ABI1: variants seen among roughly 807,000 people sequenced by gnomAD.
The protein encoded by ABI1 is abl interactor 1, also known as Abelson interactor 1.
Under a neutral mutation model 54.6 loss-of-function variants are expected in ABI1, and 14 were observed. The ratio of observed to expected loss-of-function variants is 0.26; its 90% confidence interval spans 0.17 to 0.40. ABI1 has a LOEUF of 0.40. Ranked by LOEUF, ABI1 falls within the 10% of genes least tolerant of loss-of-function variation. ABI1 has a pLI of 1.00. For missense variants in ABI1, 443 were observed against 598.3 expected, an observed-to-expected ratio of 0.74 and a Z score of 2.71; for synonymous variants, 194 against 209.3, an observed-to-expected ratio of 0.93 and a Z score of 0.63.
chr10:26,836,604 C>A (rs958476033), intron 1 of ABI1, among the ~76,000 whole-genome samples: 2 of 152,184 alleles, frequency 1.3e-5, no homozygotes, highest in African/African-American at 4.8e-5. Flanking sequence ...AAATGATCCA[C>A]AATAGCCGCG....
At chr10:26,824,451 G>T (rs1280787112) in intron 1 of ABI1, among the ~76,000 whole-genome samples, 11 of 152,128 alleles carry the variant, frequency 7.2e-5, no homozygotes, top group Non-Finnish European at 1.5e-4. Flanking sequence ...TATAATAGCA[G>T]AAGACTGGAA....
chr10:26,851,348 A>ATTTTTTTTTTTTTTTTTTTTTTTTTT (rs397724445), intron 1 of ABI1, among the ~76,000 whole-genome samples: 4 of 67,810 alleles, frequency 5.9e-5, no homozygotes, highest in African/African-American at 2.6e-4. Flanking sequence ...GACTAAGCTA[A>ATTTTTTTTTTTTTTTTTTTTTTTTTT]TTTTTTTTTT....
intron 10 of ABI1, 28 bp from the exon 11 acceptor site, chr10:26,748,773 A>C: frequency 6.5e-7 from 1 of 1,529,638 alleles, no homozygotes; most frequent in Non-Finnish European, 9.0e-7. Context: ...GAAATATCAC[A>C]TGAGTGCACT....
intron 5 of ABI1, 38 bp downstream of exon 5, chr10:26,770,207 C>A (rs1377323611): frequency 6.5e-7 from 1 of 1,529,536 alleles, no homozygotes. Flanking sequence ...TTTCCTTTAG[C>A]ATATGAATTC....
intron 1 of ABI1, among the ~76,000 whole-genome samples, chr10:26,854,126 G>A (rs537891512): frequency 2.6e-5 from 4 of 152,270 alleles, no homozygotes; most frequent in South Asian, 2.1e-4. Context: ...GGAGAACGCA[G>A]AAGCACACAA....
chr10:26,776,054 C>T (rs930515447), intron 3 of ABI1, among the ~76,000 whole-genome samples: 2 of 152,154 alleles, frequency 1.3e-5, no homozygotes, highest in Non-Finnish European at 2.9e-5. Context: ...CTTATACAAT[C>T]CTAGCCACAT....
chr10:26,855,607 A>G (rs1048615796), intron 1 of ABI1, among the ~76,000 whole-genome samples: 1 of 152,172 alleles, frequency 6.6e-6, no homozygotes, highest in African/African-American at 2.4e-5. Flanking sequence ...AATAGAGGCA[A>G]TTATATTACC....
At chr10:26,845,146 TAAAA>T (rs57494089) in intron 1 of ABI1, among the ~76,000 whole-genome samples, 19 of 146,182 alleles carry the variant, frequency 1.3e-4, no homozygotes, top group Non-Finnish European at 2.4e-4. Flanking sequence ...CTAAATGCTT[TAAAA>T]AAAAAAAAAG....
Position 26,766,436 on chromosome 10 carries a change from G to C in ABI1, c.720-1118C>G, listed in dbSNP as rs572464018. Among the ~76,000 whole-genome samples the C allele has an allele frequency of 5.9e-5, 9 of 152,218 alleles. No individual in the cohort carries two copies. In the South Asian group the frequency reaches 1.2e-3, roughly 21 times the overall value. Reference sequence around the variant, plus strand: ...TTATGTTTTAAAATCTACATAATTTGCTCAATAAGCCCAGAAATTCAAAGG... The same window carrying C: ...TTATGTTTTAAAATCTACATAATTTCCTCAATAAGCCCAGAAATTCAAAGG... On this transcript the variant is annotated intron_variant, in intron 6 of 10. Coordinates refer to ENST00000376140, the MANE Select transcript of ABI1 (RefSeq NM_001012750.3).
chr10:26,827,203 G>A (rs566038595), intron 1 of ABI1, among the ~76,000 whole-genome samples: 64 of 150,938 alleles, frequency 4.2e-4, no homozygotes, highest in African/African-American at 1.5e-3. Context: ...GTGAGCCACC[G>A]TGCCCGGCCT....
rs1052916200 is a variant in ABI1 at position 26,748,517 on chromosome 10, A to T, written c.*53T>A. Reference sequence around the variant, plus strand: ...TTAAGACAGTTCTGTTAACCATAATAGTCCCACAGTATGACTGAGTAATAA... The same window carrying T: ...TTAAGACAGTTCTGTTAACCATAATTGTCCCACAGTATGACTGAGTAATAA... On this transcript the variant is annotated 3_prime_UTR_variant, in exon 11 of 11. Transcript: ENST00000376140. The T allele has an allele frequency of 1.5e-6, 2 of 1,342,664 alleles. No individual in the cohort carries two copies. The highest frequency in any genetic ancestry group is 2.0e-6 in the Non-Finnish European group (2 of 977,948). The allele number at this position is 1,342,664 out of a possible 1,614,324, so 83.2% of individuals were successfully genotyped here. A position where few individuals can be genotyped will look rare whatever the true frequency, so the allele number is the denominator to read the frequency against.
At chr10:26,778,469 G>A (rs1841704172) in intron 2 of ABI1, among the ~76,000 whole-genome samples, 1 of 149,766 alleles carries the variant, frequency 6.7e-6, no homozygotes, top group African/African-American at 2.5e-5. Flanking sequence ...GGTGAGACGA[G>A]GCCAGGATAT....
At chr10:26,756,587 A>G (rs138397313) in intron 8 of ABI1, among the ~76,000 whole-genome samples, 3 of 152,300 alleles carry the variant, frequency 2.0e-5, no homozygotes, top group Non-Finnish European at 4.4e-5. Context: ...GAGATGACAT[A>G]ATTGACAGGA....
chr10:26,770,141 TAG>T, intron 5 of ABI1, 102 bp downstream of exon 5: 1 of 850,922 alleles, frequency 1.2e-6, no homozygotes, highest in South Asian at 1.5e-5. Context: ...TAGCGTCACA[TAG>T]AGAGGGTAGT....
At chr10:26,790,253 T>G (rs530710688) in intron 2 of ABI1, among the ~76,000 whole-genome samples, 235 of 152,356 alleles carry the variant, frequency 1.5e-3, no homozygotes, top group African/African-American at 5.1e-3. Flanking sequence ...CCACCAGCAG[T>G]GTAAAAGCAT....
At chr10:26,815,427 AGAATT>A (rs1315627834) in intron 2 of ABI1, among the ~76,000 whole-genome samples, 1 of 152,230 alleles carries the variant, frequency 6.6e-6, no homozygotes, top group African/African-American at 2.4e-5. Context: ...CCAAAGAATG[AGAATT>A]GAATTCAGTA....
chr10:26,811,494 C>T (rs761567789), intron 2 of ABI1, among the ~76,000 whole-genome samples: 27 of 152,258 alleles, frequency 1.8e-4, no homozygotes, highest in Non-Finnish European at 3.7e-4. Context: ...AATCATTTTA[C>T]TATTGGTCCT....
At chr10:26,781,611 C>G (rs1055719061) in intron 2 of ABI1, among the ~76,000 whole-genome samples, 1 of 152,166 alleles carries the variant, frequency 6.6e-6, no homozygotes, top group Admixed American at 6.5e-5. Flanking sequence ...ACAGATCTGG[C>G]CAATATTCCC....
chr10:26,805,662 G>A (rs940100228), intron 2 of ABI1, among the ~76,000 whole-genome samples: 13 of 152,160 alleles, frequency 8.5e-5, no homozygotes, highest in African/African-American at 3.1e-4. Context: ...TACCCTAAAA[G>A]CAAAGAACAG....
Sources: gnomAD v4.1 joint callset for allele counts (sites outside exome capture counted in the v4.1 genomes callset) on GRCh38, gnomAD v4.1.1 for gene constraint, MANE v1.5 for transcripts, NCBI Gene and HGNC (gene_info 2026-07-23, HGNC 2026-07-21) for gene names.